Variants in MORC2 observed in about 807,000 individuals in gnomAD.
MORC2 encodes the protein MORC family CW-type zinc finger 2, also known as ATPase MORC2.
A neutral mutation model predicts 136.0 loss-of-function variants in MORC2; 30 were observed. That is an observed-to-expected ratio of 0.22 (90% CI 0.17 to 0.30). MORC2 has a LOEUF of 0.30. MORC2 is among the 10% of genes least tolerant of loss of function. The pLI is 1.00. For missense variants in MORC2, 922 were observed against 1,333.1 expected (o/e 0.69, Z 4.80); for synonymous variants, 439 against 487.0 (o/e 0.90, Z 1.30).
At chr22:30,943,477 G>A (rs957640627) in intron 6 of MORC2, among the ~76,000 whole-genome samples, 2 of 152,106 alleles carry the variant, frequency 1.3e-5, no homozygotes, top group African/African-American at 4.8e-5. Context: ...TAATGTCTAA[G>A]TGATGTTTTA....
rs373766281 is a variant in MORC2 at position 30,934,203 on chromosome 22, G to A, written c.2194-12C>T. 11 of 1,613,970 alleles carry A rather than the reference G, an allele frequency of 6.8e-6. No homozygotes were observed. Among genetic ancestry groups the A allele is most frequent in the South Asian group, 1.1e-5 (1 of 91,078 alleles). The stretch of plus-strand genomic sequence containing the variant: ...CGACTAGGGGTAGCCTAGAGCAAGA[G>A]GAGCGTGAGGATGTGAGGGGCCCTG... On this transcript the variant is annotated splice_polypyrimidine_tract_variant and intron_variant, in intron 19 of 25. Coordinates refer to ENST00000397641, the MANE Select transcript of MORC2 (RefSeq NM_001303256.3). The surrounding 1 kb of genome is among the most constrained non-coding windows in gnomAD (Gnocchi z 4.4).
intron 4 of MORC2, 41 bp downstream of exon 4, chr22:30,950,336 C>CGGGGGGGGGG: frequency 1.2e-5 from 9 of 764,008 alleles, no homozygotes; most frequent in Middle Eastern, 2.3e-4. Flanking sequence ...ATGGTTACAT[C>CGGGGGGGGGG]GCACCCCCCC....
intron 17 of MORC2, 74 bp downstream of exon 17, chr22:30,936,437 A>T: frequency 1.3e-6 from 2 of 1,572,554 alleles, no homozygotes. Context: ...GGAACAGGAA[A>T]GCTACTGAAG....
chr22:30,933,338 T>C (rs995032045), intron 21 of MORC2, 128 bp downstream of exon 21: 13 of 1,039,166 alleles, frequency 1.3e-5, no homozygotes, highest in Non-Finnish European at 1.8e-5. Context: ...TTGGATCCAC[T>C]GCTGCACAAG....
chr22:30,928,794 A>T (rs1452084163), intron 24 of MORC2, among the ~76,000 whole-genome samples: 1 of 152,252 alleles, frequency 6.6e-6, no homozygotes, highest in Non-Finnish European at 1.5e-5. Flanking sequence ...GACTTATAAA[A>T]GGGAGCAGAA....
chr22:30,947,952 T>A (rs542374156), intron 5 of MORC2, among the ~76,000 whole-genome samples: 1 of 152,300 alleles, frequency 6.6e-6, no homozygotes, highest in Admixed American at 6.5e-5. Context: ...AACTTCTGAA[T>A]TGGTTTCAAG....
intron 2 of MORC2, among the ~76,000 whole-genome samples, chr22:30,957,886 G>A (rs1416448101): frequency 6.6e-6 from 1 of 152,184 alleles, no homozygotes; most frequent in Non-Finnish European, 1.5e-5. Flanking sequence ...ACATTAACTG[G>A]AGATCTGTTT....
Position 30,936,972 on chromosome 22 carries a change from T to G in MORC2, c.1564A>C (p.Thr522Pro). The change falls in exon 16 of 26, where the codon ACC (threonine) becomes CCC (proline). Residue 522 changes from threonine to proline, a missense_variant. Physicochemically the swap from Thr to Pro is conservative, Grantham distance 38. Coordinates refer to ENST00000397641, the MANE Select transcript of MORC2 (RefSeq NM_001303256.3). ...LSSVEKDYPD[T>P]WVCSMNPDPE... is the part of the protein sequence containing the mutation. ...TCAGGGTTCATGGAGCAAACCCAGG[T>G]GTCAGGGTAATCTTTTTCCACAGAA... The G allele has an allele frequency of 6.2e-7, 1 of 1,614,066 alleles. No individual in the cohort carries two copies. The highest frequency in any genetic ancestry group is 8.5e-7 in the Non-Finnish European group (1 of 1,180,014).
intron 2 of MORC2, among the ~76,000 whole-genome samples, chr22:30,957,861 A>AT (rs773589641): frequency 1.1e-4 from 17 of 152,266 alleles, no homozygotes; most frequent in Admixed American, 3.9e-4. Flanking sequence ...GGTAAAGAGG[A>AT]AATTATCAGC....
intron 6 of MORC2, among the ~76,000 whole-genome samples, chr22:30,944,312 A>G (rs11089484): frequency 0.41 from 61,554 of 151,932 alleles, 13,562 homozygotes; most frequent in East Asian, 0.67. Context: ...CTTCACAGCC[A>G]TCCCAGGTGA....
At position 30,941,347 on chromosome 22, in the gene MORC2, C is replaced by T; in HGVS notation, c.824+86G>A. The T allele has an allele frequency of 6.4e-7, 1 of 1,552,636 alleles. No homozygotes were observed. The highest frequency in any genetic ancestry group is 1.2e-5 in the South Asian group (1 of 84,828). On this transcript the variant is annotated intron_variant, in intron 9 of 25. Transcript: ENST00000397641. This position sits in a 1 kb window ranked among gnomAD's most constrained non-coding sequence, Gnocchi z 4.6. ...GTCAGCACTGCCAGAGCCTCTTATA[C>T]AGCATCCCTCTAACAATGCCCCAGA...
chr22:30,936,621 G>T lies in MORC2; in HGVS notation c.1627C>A (p.Gln543Lys). The T allele has an allele frequency of 1.2e-6, 2 of 1,614,060 alleles. No homozygotes were observed. Among genetic ancestry groups the T allele is most frequent in the Non-Finnish European group, 1.7e-6 (2 of 1,180,026 alleles). Reference protein sequence around the residue: ...QDRCEASEQKQKVPLGTFRKD... With the variant: ...QDRCEASEQKKKVPLGTFRKD... ...CTGAATGTTCCCAGGGGAACCTTCT[G>T]CTTTTGTTCAGAAGCCTCACACCTG... is the stretch of plus-strand genomic sequence containing the variant. Residue 543 changes from glutamine (Q) to lysine (K), a missense_variant, in exon 17 of 26, where the codon CAG becomes AAG. Gln to Lys is a moderately conservative substitution (Grantham distance 53). This residue lies in a region of MORC2 where 119 missense variants were observed against 202.7 expected (regional missense o/e 0.59). Transcript: ENST00000397641.
At chr22:30,926,969 T>A in intron 25 of MORC2, 98 bp from the exon 26 acceptor site, 1 of 1,014,944 alleles carries the variant, frequency 9.9e-7, no homozygotes, top group Non-Finnish European at 1.5e-6. Flanking sequence ...GAGCCCAGAG[T>A]CCTCTCCCTG....
chr22:30,946,573 G>T (rs1384942581), intron 5 of MORC2, 124 bp from the exon 6 acceptor site: 12 of 747,544 alleles, frequency 1.6e-5, no homozygotes, highest in Non-Finnish European at 2.4e-5. Flanking sequence ...GGCCCCCCCA[G>T]GTCCCAGGAC....
Position 30,928,145 on chromosome 22 carries a change from A to ACGGCTCTG in MORC2, c.2896_2903dup (p.Ala969ArgfsTer32). On this transcript the variant is annotated frameshift_variant, in exon 25 of 26. Transcript: ENST00000397641. LOFTEE classifies it high-confidence loss of function. ...CGGAGGCCTTGGCCCGGGAGTCAGC[A>ACGGCTCTG]CGGCTCTGGTAGGAATTGCACAGGT... 6.2e-7 allele frequency: 1 copy of ACGGCTCTG among 1,614,116 alleles called. No individual in the cohort carries two copies. The highest frequency in any genetic ancestry group is 1.1e-5 in the South Asian group (1 of 91,074).
At chr22:30,930,494 A>G (rs1347855709) in intron 24 of MORC2, among the ~76,000 whole-genome samples, 1 of 152,224 alleles carries the variant, frequency 6.6e-6, no homozygotes, top group Non-Finnish European at 1.5e-5. Context: ...GAGCAGAGCA[A>G]GTCCTAAGAA....
At chr22:30,964,042 A>AT (rs1465580334) in intron 1 of MORC2, among the ~76,000 whole-genome samples, 3 of 152,256 alleles carry the variant, frequency 2.0e-5, no homozygotes, top group East Asian at 3.9e-4. Context: ...GCTCCTCTAC[A>AT]TTCACTTCAC....
Position 30,932,834 on chromosome 22 carries a change from A to G in MORC2, c.2522+55T>C. ...CTCCCAGGATGGGCTGCTGGCAGGGAGGCCGGGGATACCTCCTTCGAGGAA... is the reference window on the plus strand; with the variant it reads ...CTCCCAGGATGGGCTGCTGGCAGGGGGGCCGGGGATACCTCCTTCGAGGAA... On this transcript the variant is annotated intron_variant, in intron 22 of 25. Coordinates refer to ENST00000397641, the MANE Select transcript of MORC2 (RefSeq NM_001303256.3). This position sits in a 1 kb window ranked among gnomAD's most constrained non-coding sequence, Gnocchi z 4.4. 1 of 1,613,216 alleles carries G rather than the reference A, an allele frequency of 6.2e-7. No individual in the cohort carries two copies. The highest frequency in any genetic ancestry group is 2.2e-5 in the East Asian group (1 of 44,870).
intron 1 of MORC2, among the ~76,000 whole-genome samples, chr22:30,962,697 A>G (rs577551880): frequency 3.3e-4 from 50 of 152,238 alleles, no homozygotes; most frequent in African/African-American, 1.1e-3. Flanking sequence ...AGCCTTTACA[A>G]TGTAGCCAAA....
Sources: gnomAD v4.1 joint callset for allele counts (sites outside exome capture counted in the v4.1 genomes callset) on GRCh38, gnomAD v4.1.1 for gene constraint, gnomAD v4.1.1 regional missense constraint, Gnocchi (gnomAD v3.1) non-coding constraint, MANE v1.5 for transcripts, NCBI Gene and HGNC (gene_info 2026-07-23, HGNC 2026-07-21) for gene names.